ARHGEF4: variants seen among roughly 807,000 people sequenced by gnomAD.
ARHGEF4 encodes the protein APC-stimulated guanine nucleotide exchange factor 1.
In ARHGEF4, 119 loss-of-function variants were observed where a neutral mutation model predicts 162.0. The ratio of observed to expected loss-of-function variants is 0.73; its 90% CI spans 0.63 to 0.86. The LOEUF (loss-of-function observed/expected upper bound fraction) is 0.86. Ranked by LOEUF, ARHGEF4 falls within the 40% of genes least tolerant of loss-of-function variation. The probability of loss-of-function intolerance (pLI) is 0.00; values close to 1 mark genes in which losing one functional copy is unlikely to be tolerated. For missense variants in ARHGEF4, 2,488 were observed against 2,456.0 expected (o/e 1.01, Z -0.28); for synonymous variants, 1,014 against 979.9 (o/e 1.03, Z -0.65).
chr2:131,032,822 C>CTTTCTTTTTTCTTTTCT (rs147377133), intron 5 of ARHGEF4, among the ~76,000 whole-genome samples: 3,208 of 135,806 alleles, frequency 0.024, 20 homozygotes, highest in African/African-American at 0.04. Flanking sequence ...TGCCTTCAAG[C>CTTTCTTTTTTCTTTTCT]TTTCTTTTCT....
chr2:130,937,780 G>T (rs1683051581), intron 3 of ARHGEF4, among the ~76,000 whole-genome samples: 1 of 151,048 alleles, frequency 6.6e-6, no homozygotes, highest in Admixed American at 6.6e-5. Context: ...CCATTCTCCT[G>T]CCTCAGCCTC....
Position 130,917,039 on chromosome 2 carries a change from G to C in ARHGEF4, c.3093G>C (p.Lys1031Asn). 2 of 1,550,926 alleles carry C rather than the reference G, an allele frequency of 1.3e-6. No homozygotes were observed. The highest frequency in any genetic ancestry group is 1.7e-6 in the Non-Finnish European group (2 of 1,147,092). ...GGAGGAAAAGTGAACCGACCATCAA[G>C]TGCACAGCCACCCAGGAAGGCGGTA... ...EHRRKSEPTIKCTATQEGGRY... is the reference protein window; with the variant it reads ...EHRRKSEPTINCTATQEGGRY... The change falls in exon 2 of 14, where the codon AAG (lysine) becomes AAC (asparagine). Residue 1031 changes from lysine to asparagine, a missense_variant. Around this residue, in one of 6 missense-constraint regions of ARHGEF4, gnomAD observed 1,642 missense variants for 1,481.5 expected, o/e 1.11. Transcript: ENST00000409359.
chr2:130,930,188 T>C (rs754081408), intron 2 of ARHGEF4, among the ~76,000 whole-genome samples: 2 of 152,278 alleles, frequency 1.3e-5, no homozygotes, highest in Admixed American at 6.5e-5. Flanking sequence ...AGACTTGAAA[T>C]ACTTAAAAGA....
At chr2:130,988,785 G>C (rs747100933) in intron 4 of ARHGEF4, among the ~76,000 whole-genome samples, 4 of 148,546 alleles carry the variant, frequency 2.7e-5, no homozygotes, top group Non-Finnish European at 5.9e-5. Flanking sequence ...TGACCATCTA[G>C]GTTGTTTTTA....
intron 1 of ARHGEF4, among the ~76,000 whole-genome samples, chr2:130,911,102 C>T (rs1010629809): frequency 2.6e-4 from 40 of 152,238 alleles, no homozygotes; most frequent in African/African-American, 7.9e-4. Context: ...CGGCCAACGT[C>T]GGGGCAGCGG....
chr2:130,880,456 C>G (rs1436754193), intron 1 of ARHGEF4, among the ~76,000 whole-genome samples: 1 of 152,176 alleles, frequency 6.6e-6, no homozygotes, highest in Non-Finnish European at 1.5e-5. Flanking sequence ...AGACCTGGGA[C>G]AGGGATAGAA....
At chr2:131,030,948 CG>C (rs1689811455) in intron 5 of ARHGEF4, among the ~76,000 whole-genome samples, 1 of 152,256 alleles carries the variant, frequency 6.6e-6, no homozygotes, top group Admixed American at 6.5e-5. Context: ...AGCACTCCCA[CG>C]GGCTCAGCCA....
At chr2:130,930,891 G>A (rs1041792481) in intron 2 of ARHGEF4, 61 bp from the exon 3 acceptor site, 16 of 1,488,052 alleles carry the variant, frequency 1.1e-5, no homozygotes, top group Admixed American at 5.9e-5. Flanking sequence ...GAAGGACAGC[G>A]TGTTCCCAGT....
In ARHGEF4 at chr2:130,916,090, G is replaced by T; in HGVS notation, c.2144G>T (p.Arg715Ile). Residue 715 changes from arginine to isoleucine, a missense_variant, in exon 2 of 14, where the codon AGA becomes ATA. Around this residue, in one of 6 missense-constraint regions of ARHGEF4, gnomAD observed 1,642 missense variants for 1,481.5 expected, o/e 1.11. Transcript: ENST00000409359. ...GTGGCCCAGGCCGCAGAGCTTGGGA[G>T]AGTGCTGGTCCCCCAAGCTGCTTCG... ...QRVAQAAELG[R>I]VLVPQAASEE... 1 of 1,550,260 alleles carries T rather than the reference G, an allele frequency of 6.5e-7. No individual in the cohort carries two copies. Among genetic ancestry groups the T allele is most frequent in the Non-Finnish European group, 8.7e-7 (1 of 1,146,966 alleles).
intron 4 of ARHGEF4, among the ~76,000 whole-genome samples, chr2:130,979,462 G>A (rs928113523): frequency 5.9e-5 from 9 of 152,122 alleles, no homozygotes; most frequent in East Asian, 1.9e-4. Flanking sequence ...TTGGCCAGGC[G>A]TGATGGCTCA....
At chr2:130,904,516 A>G (rs1348527423) in intron 1 of ARHGEF4, among the ~76,000 whole-genome samples, 2 of 152,166 alleles carry the variant, frequency 1.3e-5, no homozygotes, top group African/African-American at 4.8e-5. Flanking sequence ...TCCATTTGAT[A>G]TAACAGCTAG....
At chr2:131,015,966 G>C (rs1688748146) in intron 4 of ARHGEF4, among the ~76,000 whole-genome samples, 1 of 152,232 alleles carries the variant, frequency 6.6e-6, no homozygotes, top group Admixed American at 6.5e-5. Context: ...TGGGGAGCCT[G>C]CACCTGCCGT....
intron 1 of ARHGEF4, among the ~76,000 whole-genome samples, chr2:130,855,196 A>G (rs1681689282): frequency 6.6e-6 from 1 of 151,946 alleles, no homozygotes; most frequent in Non-Finnish European, 1.5e-5. Flanking sequence ...TTTACTTGAA[A>G]CAAAAAGTTG....
chr2:130,942,693 A>T (rs1360210941), intron 3 of ARHGEF4, among the ~76,000 whole-genome samples: 1 of 152,184 alleles, frequency 6.6e-6, no homozygotes, highest in Non-Finnish European at 1.5e-5. Context: ...TTATTTTGGA[A>T]GTGTGTTAAT....
chr2:130,992,004 A>G (rs935339858), intron 4 of ARHGEF4, among the ~76,000 whole-genome samples: 40 of 152,186 alleles, frequency 2.6e-4, no homozygotes, highest in Admixed American at 5.2e-4. Flanking sequence ...TTGTAAACAC[A>G]CCAGTCAGCA....
chr2:130,994,683 T>C (rs2105293845), intron 4 of ARHGEF4, among the ~76,000 whole-genome samples: 1 of 152,362 alleles, frequency 6.6e-6, no homozygotes, highest in East Asian at 1.9e-4. Flanking sequence ...TTCTCTTTTC[T>C]GCCAGGATAA....
chr2:131,044,232 G>A (rs1691050636), intron 11 of ARHGEF4, 67 bp from the exon 12 acceptor site: 1 of 1,583,928 alleles, frequency 6.3e-7, no homozygotes, highest in South Asian at 1.2e-5. Flanking sequence ...GGGAGAGGAG[G>A]TGGGAGCAGC....
intron 1 of ARHGEF4, among the ~76,000 whole-genome samples, chr2:130,899,208 TCATAA>T (rs1680342883): frequency 6.6e-6 from 1 of 152,212 alleles, no homozygotes; most frequent in African/African-American, 2.4e-5. Context: ...TTTCTTTGCT[TCATAA>T]CATAACATAT....
intron 4 of ARHGEF4, among the ~76,000 whole-genome samples, chr2:130,949,010 C>T (rs891182851): frequency 1.3e-5 from 2 of 152,170 alleles, no homozygotes; most frequent in African/African-American, 4.8e-5. Context: ...TAGTTTCTAT[C>T]CCTGGAATCT....
Sources: allele counts gnomAD v4.1 joint callset (sites outside exome capture counted in the v4.1 genomes callset), GRCh38; gene constraint gnomAD v4.1.1; regional missense constraint gnomAD v4.1.1; transcripts MANE v1.5; gene names NCBI Gene and HGNC (gene_info 2026-07-23, HGNC 2026-07-21).